Variants in PLCB1 observed in about 807,000 individuals in gnomAD.
PLCB1 encodes the protein 1-phosphatidylinositol 4,5-bisphosphate phosphodiesterase beta-1.
In PLCB1, 46 loss-of-function variants were observed where a neutral mutation model predicts 161.8. The observed-to-expected ratio is 0.28, with a 90% confidence interval of 0.22 to 0.36. The LOEUF (loss-of-function observed/expected upper bound fraction) is 0.36, where lower values mean the gene tolerates loss of function less well. PLCB1 is among the 10% of genes least tolerant of loss of function. PLCB1 has a pLI of 1.00. For missense variants in PLCB1, 1,016 were observed against 1,472.5 expected, an observed-to-expected ratio of 0.69 and a Z score of 5.07; for synonymous variants, 517 against 503.7, an observed-to-expected ratio of 1.03 and a Z score of -0.35.
chr20:8,469,906 C>T (rs1981979586), intron 3 of PLCB1, among the ~76,000 whole-genome samples: 1 of 152,084 alleles, frequency 6.6e-6, no homozygotes, highest in Admixed American at 6.6e-5. Flanking sequence ...CAAAAGAAAC[C>T]CTGTCCCCAT....
At chr20:8,499,852 A>G (rs1276596465) in intron 3 of PLCB1, among the ~76,000 whole-genome samples, 9 of 152,184 alleles carry the variant, frequency 5.9e-5, no homozygotes, top group Admixed American at 5.2e-4. Flanking sequence ...TTTGTTAGGC[A>G]TTGTTTTCGG....
At chr20:8,385,432 AC>A (rs1471842477) in intron 3 of PLCB1, among the ~76,000 whole-genome samples, 10 of 152,200 alleles carry the variant, frequency 6.6e-5, no homozygotes, top group African/African-American at 2.4e-4. Flanking sequence ...GTCCTTCCCC[AC>A]CCAGGGAGCT....
chr20:8,250,923 A>G (rs543447234), intron 2 of PLCB1, among the ~76,000 whole-genome samples: 1 of 152,128 alleles, frequency 6.6e-6, no homozygotes, highest in East Asian at 1.9e-4. Context: ...AACATAGGAG[A>G]CATAAGATAT....
intron 31 of PLCB1, among the ~76,000 whole-genome samples, chr20:8,830,823 G>A (rs1158367338): frequency 6.6e-6 from 1 of 152,108 alleles, no homozygotes. Flanking sequence ...ATGTCACAAG[G>A]AGTCCAGAAT....
At chr20:8,318,055 C>T (rs538873286) in intron 2 of PLCB1, among the ~76,000 whole-genome samples, 2 of 150,966 alleles carry the variant, frequency 1.3e-5, no homozygotes, top group Non-Finnish European at 1.5e-5. Flanking sequence ...CAGAGACCAA[C>T]ACTGAACTTG....
intron 10 of PLCB1, among the ~76,000 whole-genome samples, chr20:8,696,888 C>T (rs1056579039): frequency 6.6e-6 from 1 of 152,112 alleles, no homozygotes; most frequent in Admixed American, 6.6e-5. Flanking sequence ...CGCCTGCCAC[C>T]ACACCCGGCT....
Position 8,784,265 on chromosome 20 carries a change from T to C in PLCB1, c.3112-4184T>C, listed in dbSNP as rs141272585. On this transcript the variant is annotated intron_variant, in intron 27 of 31. Coordinates refer to ENST00000338037, the MANE Select transcript of PLCB1 (RefSeq NM_015192.4). ...AGAACTTCAGTAGGAGTGAGGGTCT[T>C]CTGAAAACTAGCTGAGGTCGGGCTC... Among the ~76,000 whole-genome samples the C allele has an allele frequency of 1.2e-3, 184 of 152,130 alleles. 4 individuals are homozygous for C. In the East Asian group the frequency reaches 0.028, roughly 23 times the overall value.
chr20:8,862,706 A>G (rs6140778), intron 31 of PLCB1, among the ~76,000 whole-genome samples: 43,069 of 152,050 alleles, frequency 0.28, 7,392 homozygotes, highest in East Asian at 0.65. Context: ...GCATGCATCA[A>G]GGACTAGGGC....
At chr20:8,436,806 C>T (rs1009263662) in intron 3 of PLCB1, among the ~76,000 whole-genome samples, 15 of 151,980 alleles carry the variant, frequency 9.9e-5, no homozygotes, top group African/African-American at 3.6e-4. Flanking sequence ...TTATTATTTT[C>T]TGAAACAGAG....
At chr20:8,751,700 T>C (rs1252276722) in intron 23 of PLCB1, 1 of 152,208 alleles carries the variant, frequency 6.6e-6, no homozygotes, top group Non-Finnish European at 1.5e-5. Flanking sequence ...TTTTTTTCAC[T>C]ACCCACCTAA....
rs1986716920 is a variant in PLCB1, at chr20:8,577,621, T to G, written c.247-50673T>G. Among the ~76,000 whole-genome samples, 7 of 152,234 alleles carry G rather than the reference T, an allele frequency of 4.6e-5. No individual in the cohort carries two copies. In the South Asian group the frequency reaches 1.5e-3, roughly 32 times the overall value. The stretch of plus-strand genomic sequence containing the variant: ...TTTATAAGTCTTGGCACTTAAGAGA[T>G]CTAATGAGAACTTACATTTAAAACA... On this transcript the variant is annotated intron_variant, in intron 3 of 31. Coordinates refer to ENST00000338037, the MANE Select transcript of PLCB1 (RefSeq NM_015192.4).
At chr20:8,745,012 G>A (rs1364444856) in intron 23 of PLCB1, among the ~76,000 whole-genome samples, 1 of 152,028 alleles carries the variant, frequency 6.6e-6, no homozygotes, top group Non-Finnish European at 1.5e-5. Flanking sequence ...GTATAATATT[G>A]TTTAAATTTG....
chr20:8,571,131 T>C (rs1157000138), intron 3 of PLCB1, among the ~76,000 whole-genome samples: 3 of 152,172 alleles, frequency 2.0e-5, no homozygotes, highest in Non-Finnish European at 2.9e-5. Flanking sequence ...AGGAGACTCA[T>C]TTGAATGTTT....
At chr20:8,707,708 A>G (rs1978765450) in intron 11 of PLCB1, among the ~76,000 whole-genome samples, 1 of 152,214 alleles carries the variant, frequency 6.6e-6, no homozygotes, top group Non-Finnish European at 1.5e-5. Context: ...TCTCTGTAGA[A>G]TTATTTGAAT....
intron 3 of PLCB1, among the ~76,000 whole-genome samples, chr20:8,618,675 A>G (rs1450150360): frequency 6.6e-6 from 1 of 152,168 alleles, no homozygotes; most frequent in African/African-American, 2.4e-5. Flanking sequence ...ATGTGTTTTG[A>G]TGGATCAATA....
chr20:8,514,009 C>T (rs1388806401), intron 3 of PLCB1, among the ~76,000 whole-genome samples: 3 of 151,884 alleles, frequency 2.0e-5, no homozygotes, highest in African/African-American at 4.8e-5. Context: ...CTGGACAACA[C>T]AGTCCCTGTC....
intron 9 of PLCB1, among the ~76,000 whole-genome samples, chr20:8,662,328 A>G (rs1370883047): frequency 1.8e-4 from 22 of 124,810 alleles, no homozygotes; most frequent in Non-Finnish European, 2.7e-4. Flanking sequence ...ATATGTAATT[A>G]TTTATTATAT....
At chr20:8,372,793 G>A (rs139957060) in intron 3 of PLCB1, among the ~76,000 whole-genome samples, 2,271 of 152,176 alleles carry the variant, frequency 0.015, 27 homozygotes, top group Middle Eastern at 0.034. Flanking sequence ...GAACTATATT[G>A]ATAATGCAGC....
At chr20:8,373,115 T>A (rs1380331816) in intron 3 of PLCB1, among the ~76,000 whole-genome samples, 1 of 152,208 alleles carries the variant, frequency 6.6e-6, no homozygotes, top group Non-Finnish European at 1.5e-5. Context: ...CACTGTTAGA[T>A]CCTCAAATGC....
Sources: allele counts gnomAD v4.1 joint callset (sites outside exome capture counted in the v4.1 genomes callset), GRCh38; gene constraint gnomAD v4.1.1; transcripts MANE v1.5; gene names NCBI Gene and HGNC (gene_info 2026-07-23, HGNC 2026-07-21).